The following MYO5A variants were observed in gnomAD, a reference collection of about 807,000 sequenced individuals.
The protein encoded by MYO5A is unconventional myosin-Va.
In MYO5A, 98 loss-of-function variants were observed where a neutral mutation model predicts 249.7. The observed-to-expected ratio is 0.39, with a 90% confidence interval of 0.33 to 0.46. MYO5A has a LOEUF of 0.46. Among genes scored for constraint, MYO5A ranks in the 20% least tolerant of loss-of-function variants. The pLI, the probability that MYO5A is intolerant of heterozygous loss-of-function variation, is 0.98. For synonymous variants in MYO5A, 778 were observed against 810.6 expected (o/e 0.96, Z 0.68); for missense variants, 1,696 against 2,308.8 (o/e 0.73, Z 5.44).
intron 1 of MYO5A, among the ~76,000 whole-genome samples, chr15:52,493,763 C>A (rs187494187): frequency 1.3e-5 from 2 of 152,258 alleles, no homozygotes; most frequent in African/African-American, 2.4e-5. Context: ...AAAACCTTGA[C>A]AACAAGGTCC....
intron 18 of MYO5A, among the ~76,000 whole-genome samples, chr15:52,378,115 T>C (rs1003154764): frequency 4.6e-5 from 7 of 151,908 alleles, no homozygotes; most frequent in Admixed American, 4.6e-4. Context: ...CTCCTCTGCC[T>C]AACTAAATTC....
At chr15:52,325,976 G>C (rs1041692737) in intron 36 of MYO5A, among the ~76,000 whole-genome samples, 55 of 152,162 alleles carry the variant, frequency 3.6e-4, no homozygotes, top group African/African-American at 1.3e-3. Context: ...AAAACAAGTT[G>C]AACTCAAAGC....
rs138345889 is a variant in MYO5A, at chr15:52,384,114, T to C, written c.1914+47A>G. 1.9e-6 allele frequency: 3 copies of C among 1,611,814 alleles called. 1 individual carries two copies. The South Asian group carries it at 3.3e-5, about 18-fold the overall frequency. ...AAGAGGGAAGATCTGAGGTTTCAGA[T>C]GAGCCAGAAAGGAAGGAGCGTGGCA... On this transcript the variant is annotated intron_variant, in intron 15 of 41. Transcript: ENST00000399233.
chr15:52,407,630 A>G (rs1035921106), intron 7 of MYO5A, among the ~76,000 whole-genome samples: 1 of 152,110 alleles, frequency 6.6e-6, no homozygotes, highest in Non-Finnish European at 1.5e-5. Context: ...GGTAAAATAA[A>G]TAGTCCTTTC....
chr15:52,528,907 G>C, upstream of MYO5A: 10 of 1,187,796 alleles, frequency 8.4e-6, no homozygotes, highest in Non-Finnish European at 1.1e-5. Flanking sequence ...CGCCGGCAGG[G>C]AGCAGGGCAG....
intron 31 of MYO5A, among the ~76,000 whole-genome samples, chr15:52,340,818 C>T (rs1183451536): frequency 2.6e-5 from 4 of 152,038 alleles, no homozygotes; most frequent in African/African-American, 9.7e-5. Context: ...CGTGTTGGGG[C>T]ATGCCTTTTG....
intron 1 of MYO5A, among the ~76,000 whole-genome samples, chr15:52,498,138 A>G (rs1595795895): frequency 6.6e-6 from 1 of 152,292 alleles, no homozygotes; most frequent in East Asian, 1.9e-4. Context: ...ACAATAAAGA[A>G]AAATCAACAA....
chr15:52,348,923 T>C, intron 28 of MYO5A, 97 bp from the exon 29 acceptor site: 1 of 1,310,780 alleles, frequency 7.6e-7, no homozygotes, highest in Non-Finnish European at 1.1e-6. Context: ...TTATAACAGA[T>C]AAAAGCTAAT....
chr15:52,383,193 A>T lies in MYO5A; in HGVS notation c.1915-5T>A, dbSNP rs1378661658. ...CAGGTGCAGGGAGTTTCTGAACTGC[A>T]TGAAAAAGGGCAGAAGAGGGTATCA... On this transcript the variant is annotated splice_polypyrimidine_tract_variant and splice_region_variant and intron_variant, in intron 15 of 41. Coordinates refer to ENST00000399233, the MANE Select transcript of MYO5A (RefSeq NM_001382347.1). 1 of 1,606,650 alleles carries T rather than the reference A, an allele frequency of 6.2e-7. No homozygotes were observed. The highest frequency in any genetic ancestry group is 1.3e-5 in the African/African-American group (1 of 74,760).
chr15:52,317,926 G>A (rs561840561), intron 39 of MYO5A, among the ~76,000 whole-genome samples: 2 of 152,320 alleles, frequency 1.3e-5, no homozygotes, highest in East Asian at 3.9e-4. Flanking sequence ...GCAAATAGGG[G>A]CCAGCATAAT....
intron 34 of MYO5A, among the ~76,000 whole-genome samples, chr15:52,333,055 G>A (rs965502056): frequency 2.6e-5 from 4 of 152,178 alleles, no homozygotes; most frequent in African/African-American, 7.2e-5. Context: ...CCCCTTCAGA[G>A]GATCCAGCAA....
At chr15:52,405,187 A>T (rs1378244984) in intron 9 of MYO5A, 100 bp downstream of exon 9, 1 of 849,220 alleles carries the variant, frequency 1.2e-6, no homozygotes, top group African/African-American at 1.7e-5. Flanking sequence ...GTTTCTGATA[A>T]TATTGATAGA....
chr15:52,475,532 T>C (rs1042394217), intron 1 of MYO5A, among the ~76,000 whole-genome samples: 1 of 152,240 alleles, frequency 6.6e-6, no homozygotes, highest in African/African-American at 2.4e-5. Context: ...TTTAGTGCTA[T>C]AAATTTCCCT....
chr15:52,401,876 A>G (rs2042774214), intron 9 of MYO5A, among the ~76,000 whole-genome samples: 1 of 152,106 alleles, frequency 6.6e-6, no homozygotes, highest in African/African-American at 2.4e-5. Context: ...ATTTTGGACA[A>G]TTTCTTCACA....
intron 11 of MYO5A, among the ~76,000 whole-genome samples, chr15:52,392,881 C>T (rs1472807549): frequency 6.6e-6 from 1 of 152,186 alleles, no homozygotes; most frequent in East Asian, 1.9e-4. Flanking sequence ...AGTAGTATTA[C>T]AAAGGAAAAT....
chr15:52,486,949 T>C (rs1248231690), intron 1 of MYO5A, among the ~76,000 whole-genome samples: 1 of 152,226 alleles, frequency 6.6e-6, no homozygotes, highest in Non-Finnish European at 1.5e-5. Context: ...ATGGGCTTTC[T>C]TAAGAAAAGA....
intron 39 of MYO5A, among the ~76,000 whole-genome samples, chr15:52,318,123 T>C (rs944854481): frequency 3.9e-5 from 6 of 152,080 alleles, no homozygotes; most frequent in Admixed American, 3.3e-4. Flanking sequence ...GAGAAATCAT[T>C]TTTCCCTCCT....
Position 52,408,076 on chromosome 15 carries a change from A to T in MYO5A, c.821T>A (p.Phe274Tyr). 1 of 1,595,614 alleles carries T rather than the reference A, an allele frequency of 6.3e-7. No homozygotes were observed. The change falls in exon 7 of 42, where the codon TTT becomes TAT. Residue 274 changes from phenylalanine to tyrosine, a missense_variant. Phe to Tyr is a conservative substitution (Grantham distance 22). Coordinates refer to ENST00000399233, the MANE Select transcript of MYO5A (RefSeq NM_001382347.1). ...ATTCATACCTAATCGTAGCATTTTA[A>T]ATTCAGGTAACTTTGCTGAGGCACA... The part of the protein sequence containing the change: ...QLCASAKLPE[F>Y]KMLRLGNADN...
intron 4 of MYO5A, among the ~76,000 whole-genome samples, chr15:52,418,154 A>T (rs1357877920): frequency 6.6e-6 from 1 of 152,220 alleles, no homozygotes; most frequent in Non-Finnish European, 1.5e-5. Context: ...CAGATAACTC[A>T]GCTTAGCTGG....
Sources: allele counts gnomAD v4.1 joint callset (sites outside exome capture counted in the v4.1 genomes callset), GRCh38; gene constraint gnomAD v4.1.1; transcripts MANE v1.5; gene names NCBI Gene and HGNC (gene_info 2026-07-23, HGNC 2026-07-21).